SMYD4: variants seen among roughly 807,000 people sequenced by gnomAD.
SMYD4 encodes the protein SET and MYND domain containing 4.
SMYD4 carries 68 observed loss-of-function variants against 72.8 expected under a neutral mutation model. The observed-to-expected ratio is 0.93, with a 90% CI of 0.77 to 1.14. The LOEUF is 1.14. Among genes scored for constraint, SMYD4 ranks in the 50% most tolerant of loss-of-function variants. SMYD4 has a pLI of 0.00. For synonymous variants in SMYD4, 407 were observed against 388.6 expected (o/e 1.05, Z -0.56); for missense variants, 984 against 1,003.7 (o/e 0.98, Z 0.27).
intron 7 of SMYD4, among the ~76,000 whole-genome samples, chr17:1,785,763 C>CAAAAAAAAAAAAAAA (rs1355052619): frequency 0.022 from 914 of 41,630 alleles, 21 homozygotes; most frequent in African/African-American, 0.099. Flanking sequence ...GACCCCATCT[C>CAAAAAAAAAAAAAAA]AAAAAAAAAA....
At chr17:1,794,634 A>C (rs1390783668) in intron 5 of SMYD4, among the ~76,000 whole-genome samples, 1 of 151,876 alleles carries the variant, frequency 6.6e-6, no homozygotes, top group African/African-American at 2.4e-5. Flanking sequence ...AAAAGACTCT[A>C]ATCCTTTTTG....
At chr17:1,824,941 T>C (rs1301528465) in intron 2 of SMYD4, among the ~76,000 whole-genome samples, 1 of 152,130 alleles carries the variant, frequency 6.6e-6, no homozygotes, top group Non-Finnish European at 1.5e-5. Context: ...GATGATTTTA[T>C]AAGGGGCTTT....
chr17:1,792,401 C>A (rs1399883701), intron 5 of SMYD4, among the ~76,000 whole-genome samples: 6 of 152,012 alleles, frequency 3.9e-5, no homozygotes, highest in Non-Finnish European at 7.4e-5. Context: ...GTAATCCCAG[C>A]ACTTTGGGAG....
At chr17:1,793,372 G>A (rs925623742) in intron 5 of SMYD4, among the ~76,000 whole-genome samples, 3 of 151,598 alleles carry the variant, frequency 2.0e-5, no homozygotes, top group African/African-American at 7.3e-5. Context: ...TCTGTACCCC[G>A]GCAGTTTTGG....
At chr17:1,794,558 T>G (rs1390529032) in intron 5 of SMYD4, among the ~76,000 whole-genome samples, 1 of 152,096 alleles carries the variant, frequency 6.6e-6, no homozygotes, top group East Asian at 1.9e-4. Context: ...TACATAAATG[T>G]TCACTTACCT....
At chr17:1,803,459 G>A (rs1453915683) in intron 4 of SMYD4, among the ~76,000 whole-genome samples, 1 of 152,194 alleles carries the variant, frequency 6.6e-6, no homozygotes, top group African/African-American at 2.4e-5. Context: ...TGACCTCTTG[G>A]ACAGTCCACA....
intron 3 of SMYD4, among the ~76,000 whole-genome samples, chr17:1,810,551 G>A (rs540942617): frequency 4.6e-5 from 7 of 152,266 alleles, no homozygotes; most frequent in Admixed American, 3.9e-4. Flanking sequence ...TGACTGGCTG[G>A]GACTGATATG....
intron 5 of SMYD4, among the ~76,000 whole-genome samples, chr17:1,795,328 A>G (rs1909334713): frequency 1.4e-5 from 1 of 69,588 alleles, no homozygotes; most frequent in African/African-American, 3.0e-5. Flanking sequence ...CTATCTATCT[A>G]TCTATCTAAT....
intron 5 of SMYD4, among the ~76,000 whole-genome samples, chr17:1,797,093 C>T (rs950941130): frequency 3.6e-4 from 55 of 152,118 alleles, no homozygotes; most frequent in Admixed American, 1.3e-4. Context: ...ACCTATATAC[C>T]ATATAACTTG....
chr17:1,792,473 C>G (rs757947653), intron 5 of SMYD4, among the ~76,000 whole-genome samples: 1 of 152,102 alleles, frequency 6.6e-6, no homozygotes, highest in South Asian at 2.1e-4. Context: ...CGGTGAAACC[C>G]TGTCTCTACT....
chr17:1,796,603 AT>A (rs1231081898), intron 5 of SMYD4, among the ~76,000 whole-genome samples: 2 of 151,520 alleles, frequency 1.3e-5, no homozygotes, highest in Non-Finnish European at 2.9e-5. Context: ...TGCCCAGCTA[AT>A]TTTTGTATTT....
intron 5 of SMYD4, among the ~76,000 whole-genome samples, chr17:1,792,062 G>C (rs986136455): frequency 6.7e-6 from 1 of 150,362 alleles, no homozygotes; most frequent in Non-Finnish European, 1.5e-5. Flanking sequence ...TTTTTGAGAC[G>C]GGGTCTCGCT....
chr17:1,824,944 G>A (rs1364339176), intron 2 of SMYD4, among the ~76,000 whole-genome samples: 2 of 152,100 alleles, frequency 1.3e-5, no homozygotes, highest in African/African-American at 4.8e-5. Context: ...GATTTTATAA[G>A]GGGCTTTCCC....
At position 1,786,800 on chromosome 17, in the gene SMYD4, A is replaced by G; in HGVS notation, c.1884+10T>C. On this transcript the variant is annotated intron_variant, in intron 7 of 10. Transcript: ENST00000305513. The stretch of plus-strand genomic sequence containing the variant: ...CCAGGAAAAGTGGAGGAGACAGAAG[A>G]GAGAATTACCTGCATGGGCGCTCCG... 6.2e-7 allele frequency: 1 copy of G among 1,614,046 alleles called. No individual in the cohort carries two copies. The highest frequency in any genetic ancestry group is 8.5e-7 in the Non-Finnish European group (1 of 1,179,938).
chr17:1,826,158 T>C (rs937331769), intron 2 of SMYD4, among the ~76,000 whole-genome samples: 1 of 151,232 alleles, frequency 6.6e-6, no homozygotes, highest in African/African-American at 2.4e-5. Context: ...TGCTAGAAAA[T>C]GGGCAAGGGA....
chr17:1,790,968 T>C (rs1908990510), intron 5 of SMYD4, among the ~76,000 whole-genome samples: 1 of 150,286 alleles, frequency 6.7e-6, no homozygotes, highest in Non-Finnish European at 1.5e-5. Flanking sequence ...CTACTAAAAA[T>C]ACAAAAAAAT....
At chr17:1,808,123 A>G (rs1910137271) in intron 3 of SMYD4, among the ~76,000 whole-genome samples, 1 of 152,210 alleles carries the variant, frequency 6.6e-6, no homozygotes, top group African/African-American at 2.4e-5. Flanking sequence ...CTGCCCCAGC[A>G]ATTACCCTTC....
chr17:1,788,296 G>A (rs767730780), intron 5 of SMYD4, among the ~76,000 whole-genome samples: 4 of 151,790 alleles, frequency 2.6e-5, no homozygotes, highest in Non-Finnish European at 5.9e-5. Context: ...AGGCTGCAGT[G>A]AGCCAGGATT....
chr17:1,827,897 A>G lies in SMYD4; in HGVS notation c.98T>C (p.Leu33Ser), dbSNP rs1393397204. Residue 33 changes from leucine to serine, a missense_variant, in exon 2 of 11, where the codon TTG becomes TCG. Physicochemically the swap from Leu to Ser is moderately radical, Grantham distance 145 (BLOSUM62 -2). Transcript: ENST00000305513. Reference sequence around the variant, plus strand: ...AGAGGAGTGAAGAAAGATATCCCTCAAGGTCTCTGCTGTAGAAATTGTGAC... The same window carrying G: ...AGAGGAGTGAAGAAAGATATCCCTCGAGGTCTCTGCTGTAGAAATTGTGAC... ...VQVTISTAET[L>S]RDIFLHSSSL... 3.1e-6 allele frequency: 5 copies of G among 1,612,280 alleles called. No individual in the cohort carries two copies. In the East Asian group the frequency reaches 8.9e-5, roughly 29 times the overall value.
Sources: gnomAD v4.1 joint callset for allele counts (sites outside exome capture counted in the v4.1 genomes callset) on GRCh38, gnomAD v4.1.1 for gene constraint, MANE v1.5 for transcripts, NCBI Gene and HGNC (gene_info 2026-07-23, HGNC 2026-07-21) for gene names.